DIAPH2: variants seen among roughly 807,000 people sequenced by gnomAD.
The protein encoded by DIAPH2 is diaphanous related formin 2, also known as protein diaphanous homolog 2.
In DIAPH2, 35 loss-of-function variants were observed where a neutral mutation model predicts 92.7. The observed-to-expected ratio is 0.38, with a 90% CI of 0.29 to 0.50. The LOEUF (loss-of-function observed/expected upper bound fraction) is 0.50, where lower values mean the gene tolerates loss of function less well. DIAPH2 is among the 20% of genes least tolerant of loss of function. The probability of loss-of-function intolerance (pLI) is 0.94; values close to 1 mark genes in which losing one functional copy is unlikely to be tolerated. For missense variants in DIAPH2, 701 were observed against 819.5 expected (o/e 0.86, Z 1.77); for synonymous variants, 301 against 280.4 (o/e 1.07, Z -0.73).
chrX:97,264,773 CAA>C (rs937291189), intron 23 of DIAPH2, among the ~76,000 whole-genome samples: 7 of 111,512 alleles, frequency 6.3e-5, no homozygotes, highest in Non-Finnish European at 1.3e-4. Flanking sequence ...ATCACGAGGT[CAA>C]GAGTTCAATA....
At chrX:97,566,112 T>A (rs752942031) in intron 26 of DIAPH2, among the ~76,000 whole-genome samples, 2 of 112,227 alleles carry the variant, frequency 1.8e-5, no homozygotes, top group East Asian at 2.8e-4. Flanking sequence ...AAAACCCATA[T>A]TAAGTTGTTC....
intron 23 of DIAPH2, among the ~76,000 whole-genome samples, chrX:97,294,446 C>CA (rs2068626669): frequency 8.9e-6 from 1 of 111,939 alleles, no homozygotes; most frequent in Admixed American, 9.6e-5. Context: ...GGAATCCAAA[C>CA]ATGCAGATTA....
intron 17 of DIAPH2, among the ~76,000 whole-genome samples, chrX:97,024,726 A>G (rs1341967680): frequency 8.9e-6 from 1 of 112,445 alleles, no homozygotes; most frequent in Non-Finnish European, 1.9e-5. Context: ...AAGGCATATC[A>G]TTAAAGCCAG....
chrX:96,808,033 C>T (rs1160390895), intron 4 of DIAPH2, among the ~76,000 whole-genome samples: 2 of 86,716 alleles, frequency 2.3e-5, no homozygotes, highest in Non-Finnish European at 4.3e-5. Flanking sequence ...TGAGGTTGAT[C>T]TTTTATATGA....
At chrX:96,852,539 T>C (rs1285148857) in intron 4 of DIAPH2, among the ~76,000 whole-genome samples, 1 of 111,813 alleles carries the variant, frequency 8.9e-6, no homozygotes, top group African/African-American at 3.3e-5. Context: ...AAGAGAGCAC[T>C]CTCTGTTGAG....
intron 22 of DIAPH2, among the ~76,000 whole-genome samples, chrX:97,239,890 C>T (rs1165939487): frequency 3.7e-5 from 4 of 109,140 alleles, no homozygotes; most frequent in Non-Finnish European, 1.9e-5. Context: ...CACACACACA[C>T]GCACACGCAC....
rs1602525843 is a variant in DIAPH2 at position 97,348,168 on chromosome X, A to G, written c.2897A>G (p.Asn966Ser). The change falls in exon 24 of 27, where the codon AAC becomes AGC. Residue 966 changes from asparagine (N) to serine (S), a missense_variant. By Grantham distance (46) the Asn-to-Ser change is conservative (BLOSUM62 1). This residue lies in a region of DIAPH2 where 536 missense variants were observed against 599.3 expected (regional missense o/e 0.89). Transcript: ENST00000324765. ...EQYEKLSTMH[N>S]NMMKLYENLG... Reference sequence around the variant, plus strand: ...TATGAAAAACTCTCCACCATGCACAACAACATGATGAAGCTCTATGAGAAT... The same window carrying G: ...TATGAAAAACTCTCCACCATGCACAGCAACATGATGAAGCTCTATGAGAAT... 8.3e-7 allele frequency: 1 copy of G among 1,211,102 alleles called. No individual in the cohort carries two copies. The highest frequency in any genetic ancestry group is 3.0e-5 in the East Asian group (1 of 33,829).
At chrX:97,572,756 C>T (rs1053604391) in intron 26 of DIAPH2, among the ~76,000 whole-genome samples, 4 of 111,663 alleles carry the variant, frequency 3.6e-5, no homozygotes, top group Non-Finnish European at 5.6e-5. Flanking sequence ...TTTAAAGATC[C>T]GAGTGTATTA....
chrX:96,693,290 T>C (rs749159264), intron 1 of DIAPH2, among the ~76,000 whole-genome samples: 25 of 112,316 alleles, frequency 2.2e-4, no homozygotes, highest in African/African-American at 6.8e-4. Context: ...TTGGGTAGTT[T>C]TCCTCAAAAC....
At chrX:96,858,201 G>A (rs1186414911) in intron 4 of DIAPH2, among the ~76,000 whole-genome samples, 1 of 111,627 alleles carries the variant, frequency 9.0e-6, no homozygotes, top group African/African-American at 3.3e-5. Context: ...AGGGTACTAG[G>A]TAAAATCATT....
intron 4 of DIAPH2, among the ~76,000 whole-genome samples, chrX:96,790,776 G>A (rs1258235947): frequency 9.0e-6 from 1 of 111,612 alleles, no homozygotes; most frequent in Non-Finnish European, 1.9e-5. Context: ...AACAGGAGAA[G>A]GAGGAACTAT....
chrX:96,815,910 A>G (rs1382146916), intron 4 of DIAPH2, among the ~76,000 whole-genome samples: 10 of 110,944 alleles, frequency 9.0e-5, no homozygotes, highest in African/African-American at 2.3e-4. Context: ...AGCTCAGGCA[A>G]TGCGCCCACC....
chrX:97,468,720 G>C (rs959566802), intron 26 of DIAPH2, among the ~76,000 whole-genome samples: 1 of 110,040 alleles, frequency 9.1e-6, no homozygotes, highest in African/African-American at 3.3e-5. Flanking sequence ...GGTTTTGTGT[G>C]AACATTTAAC....
intron 20 of DIAPH2, among the ~76,000 whole-genome samples, chrX:97,100,613 A>C (rs994806946): frequency 8.9e-6 from 1 of 112,124 alleles, no homozygotes; most frequent in Non-Finnish European, 1.9e-5. Flanking sequence ...ATGAATAAAT[A>C]GTTCCATTAT....
At chrX:96,700,598 C>T (rs2063849908) in intron 1 of DIAPH2, among the ~76,000 whole-genome samples, 1 of 112,468 alleles carries the variant, frequency 8.9e-6, no homozygotes, top group African/African-American at 3.2e-5. Flanking sequence ...AACTGCATAA[C>T]ACCTCAAATA....
At chrX:97,387,857 A>G (rs1189404328) in intron 25 of DIAPH2, among the ~76,000 whole-genome samples, 2 of 111,869 alleles carry the variant, frequency 1.8e-5, no homozygotes, top group Non-Finnish European at 3.8e-5. Flanking sequence ...ACTCAGGAAT[A>G]GAGCACATTT....
chrX:97,362,108 G>A (rs1221451805), intron 24 of DIAPH2, among the ~76,000 whole-genome samples: 1 of 110,923 alleles, frequency 9.0e-6, no homozygotes, highest in African/African-American at 3.3e-5. Context: ...GGGTGTGGTG[G>A]TGGGCATCTG....
intron 23 of DIAPH2, among the ~76,000 whole-genome samples, chrX:97,339,859 A>G (rs1038619889): frequency 8.9e-5 from 10 of 111,918 alleles, no homozygotes; most frequent in African/African-American, 3.2e-4. Flanking sequence ...TTCCTCTCAT[A>G]CTTGCCAAGT....
intron 1 of DIAPH2, among the ~76,000 whole-genome samples, chrX:96,730,173 G>A (rs371217784): frequency 8.0e-5 from 9 of 111,945 alleles, no homozygotes; most frequent in African/African-American, 2.9e-4. Flanking sequence ...TTAAGTACAC[G>A]CAGTAAATAG....
Sources: gnomAD v4.1 joint callset for allele counts (sites outside exome capture counted in the v4.1 genomes callset) on GRCh38, gnomAD v4.1.1 for gene constraint, gnomAD v4.1.1 regional missense constraint, MANE v1.5 for transcripts, NCBI Gene and HGNC (gene_info 2026-07-23, HGNC 2026-07-21) for gene names.